Variants in TMTC2 observed in about 807,000 individuals in gnomAD.
TMTC2 encodes transmembrane O-mannosyltransferase targeting cadherins 2.
A neutral mutation model predicts 82.4 loss-of-function variants in TMTC2; 43 were observed. The observed-to-expected ratio is 0.52, with a 90% CI of 0.41 to 0.67. The LOEUF is 0.67. Ranked by LOEUF, TMTC2 falls within the 30% of genes least tolerant of loss-of-function variation. The probability of loss-of-function intolerance (pLI) is 0.00; values close to 1 mark genes in which losing one functional copy is unlikely to be tolerated. For missense variants in TMTC2, 919 were observed against 1,012.4 expected (o/e 0.91, Z 1.25); for synonymous variants, 408 against 381.9 (o/e 1.07, Z -0.80).
At chr12:82,967,547 G>A (rs1878268050) in intron 7 of TMTC2, among the ~76,000 whole-genome samples, 1 of 152,012 alleles carries the variant, frequency 6.6e-6, no homozygotes, top group Non-Finnish European at 1.5e-5. Flanking sequence ...AAGAGGTCAA[G>A]AATGAGAAAT....
At chr12:83,087,861 G>A in intron 11 of TMTC2, among the ~76,000 whole-genome samples, 1 of 152,162 alleles carries the variant, frequency 6.6e-6, no homozygotes, top group East Asian at 1.9e-4. Flanking sequence ...AATAATCAGT[G>A]AGCACTGGCA....
At chr12:82,842,078 G>A (rs1418384329) in intron 1 of TMTC2, among the ~76,000 whole-genome samples, 1 of 152,196 alleles carries the variant, frequency 6.6e-6, no homozygotes, top group African/African-American at 2.4e-5. Context: ...TGTACATGTG[G>A]AGGAACACAG....
chr12:82,732,876 C>A (rs1010052180), intron 1 of TMTC2, among the ~76,000 whole-genome samples: 5 of 152,106 alleles, frequency 3.3e-5, no homozygotes, highest in Non-Finnish European at 7.4e-5. Context: ...TAGATGCTAT[C>A]CAAATAAGGC....
At chr12:82,769,671 C>T (rs907985510) in intron 1 of TMTC2, among the ~76,000 whole-genome samples, 1 of 152,066 alleles carries the variant, frequency 6.6e-6, no homozygotes, top group Non-Finnish European at 1.5e-5. Context: ...AGTGCAGTGG[C>T]GCCATCTCGG....
At chr12:82,937,521 C>A (rs375475025) in intron 4 of TMTC2, among the ~76,000 whole-genome samples, 8,482 of 151,578 alleles carry the variant, frequency 0.056, 328 homozygotes, top group Non-Finnish European at 0.084. Flanking sequence ...TTTAGGACTT[C>A]AACATATCTT....
chr12:82,795,649 A>G (rs1416325840), intron 1 of TMTC2, among the ~76,000 whole-genome samples: 2 of 151,160 alleles, frequency 1.3e-5, no homozygotes, highest in African/African-American at 2.4e-5. Flanking sequence ...TGACCCTTAG[A>G]AAAAAAAAGG....
intron 3 of TMTC2, among the ~76,000 whole-genome samples, chr12:82,921,923 C>A (rs1343078950): frequency 6.7e-6 from 1 of 150,272 alleles, no homozygotes; most frequent in Non-Finnish European, 1.5e-5. Context: ...CATAGTGAGA[C>A]CCACCTCTAC....
At chr12:82,968,025 G>A (rs1173042044) in intron 7 of TMTC2, among the ~76,000 whole-genome samples, 3 of 151,994 alleles carry the variant, frequency 2.0e-5, no homozygotes, top group South Asian at 2.1e-4. Flanking sequence ...GAACACTCAC[G>A]TTCTCTTTTT....
intron 1 of TMTC2, among the ~76,000 whole-genome samples, chr12:82,749,282 A>G (rs1031317104): frequency 3.3e-5 from 5 of 151,872 alleles, no homozygotes; most frequent in African/African-American, 1.2e-4. Flanking sequence ...TCTCCTGAGT[A>G]TGCTAAACTC....
At chr12:82,872,016 C>CG (rs397820669) in intron 2 of TMTC2, among the ~76,000 whole-genome samples, 2 of 128,492 alleles carry the variant, frequency 1.6e-5, no homozygotes, top group Admixed American at 7.6e-5. Context: ...CCCCCCCCCC[C>CG]GCCCACACCC....
In TMTC2 at chr12:82,736,701, C is replaced by T. The variant is rs74944085; in HGVS notation, c.83+49032C>T. On this transcript the variant is annotated intron_variant, in intron 1 of 11. Coordinates refer to ENST00000321196, the MANE Select transcript of TMTC2 (RefSeq NM_152588.3). ...TAGTCCCATGATTGCTATATTATTG[C>T]TAGCATTTTAACATTTCTGAGAAGT... is the stretch of plus-strand genomic sequence containing the variant. Among the ~76,000 whole-genome samples, 831 of 152,268 alleles carry T rather than the reference C, an allele frequency of 5.5e-3. 6 individuals carry two copies. The highest frequency in any genetic ancestry group is 0.019 in the African/African-American group (799 of 41,564).
At chr12:83,109,874 C>G (rs1397326960) in intron 11 of TMTC2, among the ~76,000 whole-genome samples, 1 of 152,092 alleles carries the variant, frequency 6.6e-6, no homozygotes, top group Non-Finnish European at 1.5e-5. Context: ...TTTCTTTATT[C>G]TTTATTTTAT....
chr12:82,992,335 T>TTTTG lies in TMTC2; in HGVS notation c.2070+6301_2070+6304dup, dbSNP rs1006306594. On this transcript the variant is annotated intron_variant, in intron 8 of 11. Coordinates refer to ENST00000321196, the MANE Select transcript of TMTC2 (RefSeq NM_152588.3). The stretch of plus-strand genomic sequence containing the variant: ...TGGAAGCTGACCAATATTTGGGTTT[T>TTTTG]TTTGTTTGTTTGTTTATTTATTATA... 5.3e-5 allele frequency among the ~76,000 whole-genome samples: 8 copies of TTTTG among 152,338 alleles called. No individual in the cohort carries two copies. The Middle Eastern group carries it at 0.01, about 194-fold the overall frequency.
At chr12:82,976,413 A>G (rs1376089794) in intron 7 of TMTC2, among the ~76,000 whole-genome samples, 1 of 152,124 alleles carries the variant, frequency 6.6e-6, no homozygotes, top group Non-Finnish European at 1.5e-5. Flanking sequence ...AATGAAACAC[A>G]TATTTTTTTC....
chr12:82,910,044 G>A (rs1028589389), intron 3 of TMTC2, among the ~76,000 whole-genome samples: 15 of 152,126 alleles, frequency 9.9e-5, no homozygotes, highest in African/African-American at 3.1e-4. Context: ...TGCTGATATT[G>A]TTAAAGAGCA....
intron 1 of TMTC2, among the ~76,000 whole-genome samples, chr12:82,854,033 G>T (rs1050055278): frequency 2.0e-5 from 3 of 151,872 alleles, no homozygotes; most frequent in African/African-American, 7.3e-5. Context: ...TCATAGCAGG[G>T]TGTTTTAATT....
At chr12:83,098,347 T>G (rs1323637387) in intron 11 of TMTC2, among the ~76,000 whole-genome samples, 1 of 152,240 alleles carries the variant, frequency 6.6e-6, no homozygotes, top group Non-Finnish European at 1.5e-5. Flanking sequence ...TTCATCAAAT[T>G]CTATCAGATA....
intron 2 of TMTC2, among the ~76,000 whole-genome samples, chr12:82,877,014 T>G (rs1872615768): frequency 6.6e-6 from 1 of 152,146 alleles, no homozygotes; most frequent in African/African-American, 2.4e-5. Flanking sequence ...AATTTAAAAA[T>G]ATGTCATAAA....
intron 8 of TMTC2, among the ~76,000 whole-genome samples, chr12:83,001,074 G>A (rs546389805): frequency 3.3e-5 from 5 of 152,154 alleles, no homozygotes; most frequent in South Asian, 4.2e-4. Flanking sequence ...CTAAATCTCC[G>A]GGCCTGTGAC....
Sources: gnomAD v4.1 joint callset for allele counts (sites outside exome capture counted in the v4.1 genomes callset) on GRCh38, gnomAD v4.1.1 for gene constraint, MANE v1.5 for transcripts, NCBI Gene and HGNC (gene_info 2026-07-23, HGNC 2026-07-21) for gene names.